Variants in NAV3 observed in about 807,000 individuals in gnomAD.
The protein encoded by NAV3 is pore membrane and/or filament interacting like protein 1.
Under a neutral mutation model 244.7 loss-of-function variants are expected in NAV3, and 87 were observed. That is an observed-to-expected ratio of 0.36 (90% confidence interval 0.30 to 0.42). The LOEUF is 0.42. Among genes scored for constraint, NAV3 ranks in the 20% least tolerant of loss-of-function variants. The probability of loss-of-function intolerance (pLI) is 1.00; values close to 1 mark genes in which losing one functional copy is unlikely to be tolerated. For synonymous variants in NAV3, 1,126 were observed against 1,042.2 expected (o/e 1.08, Z -1.55); for missense variants, 2,663 against 2,893.3 (o/e 0.92, Z 1.83).
intron 2 of NAV3, among the ~76,000 whole-genome samples, chr12:77,799,119 A>G (rs1469039952): frequency 6.6e-6 from 1 of 152,200 alleles, no homozygotes; most frequent in Non-Finnish European, 1.5e-5. Context: ...CGCAAGAGAG[A>G]GGGAATACCC....
intron 2 of NAV3, among the ~76,000 whole-genome samples, chr12:77,791,855 G>A (rs137999720): frequency 1.2e-3 from 189 of 152,328 alleles, no homozygotes; most frequent in African/African-American, 4.4e-3. Context: ...CTCACATTCT[G>A]TGACTTATTA....
chr12:78,161,110 T>C (rs966975004), intron 23 of NAV3, among the ~76,000 whole-genome samples: 12 of 152,122 alleles, frequency 7.9e-5, no homozygotes, highest in African/African-American at 2.4e-4. Flanking sequence ...ATGAGAATTC[T>C]GGCTATGTCT....
intron 3 of NAV3, chr12:77,950,596 G>A (rs1163746616): frequency 6.6e-6 from 1 of 152,044 alleles, no homozygotes. Flanking sequence ...CCAAAAAAGG[G>A]CCTGCATTGC....
At chr12:78,171,667 GA>G (rs1192377171) in intron 24 of NAV3, among the ~76,000 whole-genome samples, 1 of 151,404 alleles carries the variant, frequency 6.6e-6, no homozygotes, top group Non-Finnish European at 1.5e-5. Context: ...ACATTACATG[GA>G]AAAAATAGTC....
intron 2 of NAV3, among the ~76,000 whole-genome samples, chr12:77,768,521 A>G (rs1410881771): frequency 6.6e-6 from 1 of 152,228 alleles, no homozygotes; most frequent in Admixed American, 6.5e-5. Flanking sequence ...GTGAGTCAGC[A>G]GCACCCCAAG....
At chr12:77,825,512 G>T (rs1440541267) in intron 2 of NAV3, among the ~76,000 whole-genome samples, 4 of 152,048 alleles carry the variant, frequency 2.6e-5, no homozygotes, top group Non-Finnish European at 5.9e-5. Flanking sequence ...ATTCTAATAA[G>T]TTAATGGTTT....
Position 78,210,446 on chromosome 12 carries a change from C to A in NAV3, c.7087C>A (p.Gln2363Lys). ...LQEAANYSST[Q>K]SCDSESTSHH... ...AGAAGCAGCCAATTACTCGAGCACA[C>A]AAAGCTGCGACAGCGAAAGCACCAG... Residue 2363 changes from glutamine (Q) to lysine (K), a missense_variant, in exon 40 of 40, where the codon CAA (glutamine) becomes AAA (lysine). Around this residue, in one of 6 missense-constraint regions of NAV3, gnomAD observed 543 missense variants for 672.4 expected, o/e 0.81. Coordinates refer to ENST00000397909, the MANE Select transcript of NAV3 (RefSeq NM_001024383.2). 6.2e-7 allele frequency: 1 copy of A among 1,613,724 alleles called. No homozygotes were observed. The highest frequency in any genetic ancestry group is 8.5e-7 in the Non-Finnish European group (1 of 1,179,858).
intron 1 of NAV3, among the ~76,000 whole-genome samples, chr12:77,919,674 T>A (rs1211494464): frequency 6.6e-6 from 1 of 152,118 alleles, no homozygotes; most frequent in African/African-American, 2.4e-5. Flanking sequence ...TAAGGCGAAG[T>A]ACTTCATATT....
intron 2 of NAV3, among the ~76,000 whole-genome samples, chr12:77,710,625 T>C (rs1016572567): frequency 7.9e-5 from 12 of 152,170 alleles, no homozygotes. Flanking sequence ...CATTATTTAA[T>C]TAGCATATCA....
intron 9 of NAV3, among the ~76,000 whole-genome samples, chr12:78,034,483 A>C (rs1879518199): frequency 6.6e-6 from 1 of 152,234 alleles, no homozygotes; most frequent in East Asian, 1.9e-4. Context: ...GGTTCTGAAC[A>C]TATGAAGCTT....
chr12:77,655,206 G>GA (rs1873033700), intron 2 of NAV3, among the ~76,000 whole-genome samples: 1 of 151,894 alleles, frequency 6.6e-6, no homozygotes, highest in African/African-American at 2.4e-5. Context: ...TAAAAACTTT[G>GA]AAAAAAATTT....
At chr12:77,789,745 C>T (rs775910516) in intron 2 of NAV3, among the ~76,000 whole-genome samples, 173 of 143,100 alleles carry the variant, frequency 1.2e-3, no homozygotes, top group African/African-American at 4.3e-3. Flanking sequence ...GGGAGGCGGA[C>T]GTTGCAGTGA....
chr12:78,037,238 C>A, intron 9 of NAV3: 1 of 702,914 alleles, frequency 1.4e-6, no homozygotes, highest in Non-Finnish European at 2.6e-6. Context: ...AAGATGAAAA[C>A]GTGTCCTCCA....
chr12:78,008,149 G>A (rs1395827888), intron 8 of NAV3, among the ~76,000 whole-genome samples: 1 of 151,678 alleles, frequency 6.6e-6, no homozygotes, highest in African/African-American at 2.4e-5. Flanking sequence ...CCCACAGCAA[G>A]GCATAGGTTT....
chr12:77,649,555 TAAG>T (rs1872736393), intron 2 of NAV3, among the ~76,000 whole-genome samples: 2 of 152,244 alleles, frequency 1.3e-5, no homozygotes, highest in Admixed American at 1.3e-4. Context: ...AACATACTAA[TAAG>T]AAGAGTAAAT....
Position 77,965,100 on chromosome 12 carries a change from A to G in NAV3, c.415-1129A>G, listed in dbSNP as rs374554162. Among the ~76,000 whole-genome samples the G allele has an allele frequency of 1.5e-4, 23 of 152,300 alleles. 1 individual carries two copies. In the South Asian group the frequency reaches 2.5e-3, roughly 16 times the overall value. ...ACAGACAATAGGACCTTGCCAAGTTATTAATTTTAAATCTCTTCTTTATTG... is the reference window on the plus strand; with the variant it reads ...ACAGACAATAGGACCTTGCCAAGTTGTTAATTTTAAATCTCTTCTTTATTG... On this transcript the variant is annotated intron_variant, in intron 3 of 39. Transcript: ENST00000397909.
chr12:77,952,798 C>A (rs569908350), intron 3 of NAV3, among the ~76,000 whole-genome samples: 37 of 152,160 alleles, frequency 2.4e-4, no homozygotes, highest in African/African-American at 8.9e-4. Flanking sequence ...TATAAACTCT[C>A]GTGAAACTGG....
chr12:78,112,434 G>A (rs1955145596), intron 12 of NAV3, among the ~76,000 whole-genome samples: 1 of 152,156 alleles, frequency 6.6e-6, no homozygotes, highest in Non-Finnish European at 1.5e-5. Flanking sequence ...AAAGAAAGAG[G>A]TTTAATTGAC....
At chr12:77,844,740 G>A (rs966700144) in intron 1 of NAV3, among the ~76,000 whole-genome samples, 3 of 152,046 alleles carry the variant, frequency 2.0e-5, no homozygotes, top group Non-Finnish European at 4.4e-5. Context: ...TGATACATGG[G>A]CATACTTATT....
Sources: gnomAD v4.1 joint callset for allele counts (sites outside exome capture counted in the v4.1 genomes callset) on GRCh38, gnomAD v4.1.1 for gene constraint, gnomAD v4.1.1 regional missense constraint, MANE v1.5 for transcripts, NCBI Gene and HGNC (gene_info 2026-07-23, HGNC 2026-07-21) for gene names.